CNTNAP4: variants seen among roughly 807,000 people sequenced by gnomAD.
CNTNAP4 encodes contactin associated protein family member 4, also known as contactin-associated protein-like 4.
In CNTNAP4, 98 loss-of-function variants were observed where a neutral mutation model predicts 148.4. The observed-to-expected ratio is 0.66, with a 90% CI of 0.56 to 0.78. The LOEUF is 0.78. CNTNAP4 is among the 30% of genes least tolerant of loss of function. The probability of loss-of-function intolerance (pLI) is 0.00; values close to 1 mark genes in which losing one functional copy is unlikely to be tolerated. For synonymous variants in CNTNAP4, 730 were observed against 565.1 expected (o/e 1.29, Z -4.14); for missense variants, 1,935 against 1,565.6 (o/e 1.24, Z -3.98).
chr16:76,342,662 C>T (rs72794954), intron 2 of CNTNAP4, among the ~76,000 whole-genome samples: 1,634 of 151,676 alleles, frequency 0.011, 9 homozygotes, highest in Admixed American at 0.018. Flanking sequence ...TTAGTACTGG[C>T]GGGGTTTCAC....
At chr16:76,515,319 G>A (rs1568466801) in intron 15 of CNTNAP4, among the ~76,000 whole-genome samples, 1 of 152,210 alleles carries the variant, frequency 6.6e-6, no homozygotes, top group African/African-American at 2.4e-5. Flanking sequence ...TAACCCCAAT[G>A]TGACTATATT....
intron 15 of CNTNAP4, among the ~76,000 whole-genome samples, chr16:76,514,882 T>G (rs2083186067): frequency 6.6e-6 from 1 of 152,208 alleles, no homozygotes; most frequent in South Asian, 2.1e-4. Context: ...TATTTAAAAA[T>G]AATTCATGTG....
At chr16:76,305,203 A>G (rs955371882) in intron 1 of CNTNAP4, among the ~76,000 whole-genome samples, 4 of 152,182 alleles carry the variant, frequency 2.6e-5, no homozygotes, top group African/African-American at 7.2e-5. Context: ...GAGAAAAGTG[A>G]TCATATAGTT....
chr16:76,333,015 C>T (rs528615798), intron 2 of CNTNAP4, among the ~76,000 whole-genome samples: 71 of 152,294 alleles, frequency 4.7e-4, no homozygotes, highest in African/African-American at 1.6e-3. Context: ...CTTTCTTACA[C>T]ATGTATTCAC....
At chr16:76,360,135 G>A (rs557840752) in intron 3 of CNTNAP4, among the ~76,000 whole-genome samples, 7 of 152,194 alleles carry the variant, frequency 4.6e-5, no homozygotes, top group Non-Finnish European at 1.0e-4. Context: ...CCTATATGAA[G>A]TTAGTATCTC....
chr16:76,321,446 CT>C (rs1247333697), intron 2 of CNTNAP4, among the ~76,000 whole-genome samples: 12 of 152,062 alleles, frequency 7.9e-5, no homozygotes, highest in Admixed American at 7.9e-4. Context: ...AAAGTAGGTG[CT>C]TTTTTATGAG....
At chr16:76,397,916 C>G (rs1446498834) in intron 3 of CNTNAP4, among the ~76,000 whole-genome samples, 1 of 113,512 alleles carries the variant, frequency 8.8e-6, no homozygotes, top group African/African-American at 3.3e-5. Context: ...TTAGGGTTCT[C>G]TAGAGGGACA....
intron 12 of CNTNAP4, among the ~76,000 whole-genome samples, chr16:76,481,267 C>G (rs1432409208): frequency 1.3e-5 from 2 of 152,156 alleles, no homozygotes; most frequent in Non-Finnish European, 2.9e-5. Flanking sequence ...ACTGTGCTGT[C>G]CAACATGGTA....
rs1279921026 is a variant in CNTNAP4, at chr16:76,467,537, C to T, written c.1655+14C>T. 12 of 1,573,952 alleles carry T rather than the reference C, an allele frequency of 7.6e-6. No individual in the cohort carries two copies. The highest frequency in any genetic ancestry group is 2.7e-5 in the African/African-American group (2 of 72,804). On this transcript the variant is annotated intron_variant, in intron 10 of 23. Transcript: ENST00000611870. ...CATCTCAGACAGGTAAGGGCAATCT[C>T]ACTTCATTTTGACCTGCTTTCAAAC...
At chr16:76,404,885 A>G (rs2078548751) in intron 3 of CNTNAP4, among the ~76,000 whole-genome samples, 1 of 152,152 alleles carries the variant, frequency 6.6e-6, no homozygotes, top group African/African-American at 2.4e-5. Flanking sequence ...ATATTTTCAT[A>G]ACATAAAAAT....
intron 2 of CNTNAP4, among the ~76,000 whole-genome samples, chr16:76,352,349 G>C (rs1173086440): frequency 2.6e-5 from 4 of 152,040 alleles, no homozygotes; most frequent in Non-Finnish European, 5.9e-5. Context: ...TCAAAGACAC[G>C]GTCCATTGTA....
chr16:76,287,695 G>A (rs916339569), intron 1 of CNTNAP4: 1 of 152,302 alleles, frequency 6.6e-6, no homozygotes, highest in African/African-American at 2.4e-5. Context: ...ATTTGGCTGA[G>A]ATGGCTGGTA....
chr16:76,496,554 G>C (rs2143847884), intron 14 of CNTNAP4, among the ~76,000 whole-genome samples: 1 of 152,238 alleles, frequency 6.6e-6, no homozygotes, highest in Non-Finnish European at 1.5e-5. Context: ...AACTGCCCAT[G>C]TGTTTACAGC....
At chr16:76,558,293 T>A (rs903203167) in intron 23 of CNTNAP4, 197 bp from the exon 24 acceptor site, 2 of 491,536 alleles carry the variant, frequency 4.1e-6, no homozygotes, top group African/African-American at 2.0e-5. Flanking sequence ...CCCACAAGGC[T>A]GATAGAACTC....
At chr16:76,405,883 TCAATTA>T (rs1480548235) in intron 3 of CNTNAP4, among the ~76,000 whole-genome samples, 2 of 152,062 alleles carry the variant, frequency 1.3e-5, no homozygotes, top group Non-Finnish European at 2.9e-5. Context: ...ATAATCAATC[TCAATTA>T]CTAAATGAAA....
At chr16:76,376,907 T>TTGTGTGTGTGTGTG (rs5817987) in intron 3 of CNTNAP4, among the ~76,000 whole-genome samples, 137 of 143,534 alleles carry the variant, frequency 9.5e-4, no homozygotes, top group East Asian at 5.3e-3. Context: ...CTAACAAGGT[T>TTGTGTGTGTGTGTG]TGTGTGTGTG....
intron 3 of CNTNAP4, among the ~76,000 whole-genome samples, chr16:76,406,991 T>C (rs577833981): frequency 6.6e-6 from 1 of 152,272 alleles, no homozygotes; most frequent in South Asian, 2.1e-4. Context: ...AGCCTTCTAT[T>C]GGAAGATGCC....
At chr16:76,289,505 T>A (rs1959024088) in intron 1 of CNTNAP4, among the ~76,000 whole-genome samples, 1 of 150,660 alleles carries the variant, frequency 6.6e-6, no homozygotes, top group Non-Finnish European at 1.5e-5. Context: ...ATATGCAAGA[T>A]GTTTCTTTTC....
At chr16:76,330,200 C>G (rs910356386) in intron 2 of CNTNAP4, among the ~76,000 whole-genome samples, 1 of 152,108 alleles carries the variant, frequency 6.6e-6, no homozygotes, top group Non-Finnish European at 1.5e-5. Context: ...TTTTAAATCA[C>G]CATAGTTTCA....
Sources: allele counts gnomAD v4.1 joint callset (sites outside exome capture counted in the v4.1 genomes callset), GRCh38; gene constraint gnomAD v4.1.1; transcripts MANE v1.5; gene names NCBI Gene and HGNC (gene_info 2026-07-23, HGNC 2026-07-21).